BTLA: variants seen among roughly 807,000 people sequenced by gnomAD.
BTLA encodes B and T lymphocyte associated.
Under a neutral mutation model 25.0 loss-of-function variants are expected in BTLA, and 11 were observed. The ratio of observed to expected loss-of-function variants is 0.44; its 90% CI spans 0.28 to 0.73. BTLA has a LOEUF of 0.73. Among genes scored for constraint, BTLA ranks in the 30% least tolerant of loss-of-function variants. BTLA has a pLI of 0.15. For synonymous variants in BTLA, 104 were observed against 119.8 expected, an observed-to-expected ratio of 0.87 and a Z score of 0.86; for missense variants, 282 against 332.8, an observed-to-expected ratio of 0.85 and a Z score of 1.19.
chr3:112,479,131 C>T (rs975642985), intron 2 of BTLA, among the ~76,000 whole-genome samples: 12 of 151,842 alleles, frequency 7.9e-5, no homozygotes, highest in African/African-American at 2.9e-4. Context: ...CAGAGCTATT[C>T]GCAACTATAG....
At chr3:112,478,007 T>C in intron 2 of BTLA, among the ~76,000 whole-genome samples, 1 of 18,064 alleles carries the variant, frequency 5.5e-5, no homozygotes. Context: ...ATACTATTCT[T>C]TTTTTTTTTT....
chr3:112,469,341 G>C (rs2082247422), intron 4 of BTLA, among the ~76,000 whole-genome samples: 1 of 151,794 alleles, frequency 6.6e-6, no homozygotes, highest in African/African-American at 2.4e-5. Context: ...GGTTATTTGT[G>C]GGTTCATTCT....
At chr3:112,492,909 T>C (rs1220516615) in intron 1 of BTLA, among the ~76,000 whole-genome samples, 2 of 152,152 alleles carry the variant, frequency 1.3e-5, no homozygotes, top group Non-Finnish European at 2.9e-5. Flanking sequence ...TAAAGAGCTC[T>C]GCCAGCTAAA....
intron 1 of BTLA, among the ~76,000 whole-genome samples, chr3:112,488,532 A>G (rs763076409): frequency 6.6e-6 from 1 of 151,826 alleles, no homozygotes; most frequent in Non-Finnish European, 1.5e-5. Context: ...TAGCCCAGTA[A>G]GTTTATGCAA....
At chr3:112,470,062 G>A in intron 3 of BTLA, 2 of 333,442 alleles carry the variant, frequency 6.0e-6, no homozygotes, top group Non-Finnish European at 1.1e-5. Context: ...TCACTTGGAA[G>A]AGACTGGAAG....
At chr3:112,489,687 A>G (rs2082369415) in intron 1 of BTLA, among the ~76,000 whole-genome samples, 1 of 152,238 alleles carries the variant, frequency 6.6e-6, no homozygotes, top group Non-Finnish European at 1.5e-5. Flanking sequence ...GACATCAACC[A>G]GGATTTTAGC....
At chr3:112,491,301 T>C (rs2107336450) in intron 1 of BTLA, among the ~76,000 whole-genome samples, 1 of 152,218 alleles carries the variant, frequency 6.6e-6, no homozygotes, top group East Asian at 1.9e-4. Flanking sequence ...CCTCACATTA[T>C]CTATATACTG....
Position 112,479,768 on chromosome 3 carries a change from C to T in BTLA, c.90G>A (p.Gly30=), listed in dbSNP as rs1174094661. Residue 30 remains glycine, a splice_region_variant and synonymous_variant, in exon 2 of 5, where the codon GGG becomes GGA. Coordinates refer to ENST00000334529, the MANE Select transcript of BTLA (RefSeq NM_181780.4). The stretch of plus-strand genomic sequence containing the variant: ...AAAGCTGTACATCACATGATTCTTT[C>T]CCTAAAAGATAAAAACAAAACTAAA... ...IPYLDIWNIH[G]KESCDVQLYI... is the part of the protein sequence containing the mutation. 2 of 1,575,724 alleles carry T rather than the reference C, an allele frequency of 1.3e-6. No individual in the cohort carries two copies. Among genetic ancestry groups the T allele is most frequent in the Admixed American group, 1.9e-5 (1 of 52,802 alleles).
At chr3:112,485,055 T>C (rs1359867044) in intron 1 of BTLA, among the ~76,000 whole-genome samples, 5 of 152,088 alleles carry the variant, frequency 3.3e-5, no homozygotes, top group Admixed American at 2.0e-4. Context: ...ATTAATTTAT[T>C]TTTTTTGAGA....
Position 112,499,400 on chromosome 3 carries a change from G to A in BTLA, c.-42C>T, listed in dbSNP as rs369826626. 9.6e-5 allele frequency: 152 copies of A among 1,584,740 alleles called. No homozygotes were observed. Among genetic ancestry groups the A allele is most frequent in the Non-Finnish European group, 1.3e-4 (147 of 1,157,368 alleles). On this transcript the variant is annotated 5_prime_UTR_variant, in exon 1 of 5. Coordinates refer to ENST00000334529, the MANE Select transcript of BTLA (RefSeq NM_181780.4). ...TGATGGAAAAACTGCTCAAGTAGAA[G>A]GCTTTGCTTCGTCTTCTGAGTGCTG...
At chr3:112,467,182 G>T (rs1163565018) in intron 4 of BTLA, among the ~76,000 whole-genome samples, 1 of 151,940 alleles carries the variant, frequency 6.6e-6, no homozygotes, top group African/African-American at 2.4e-5. Context: ...GGATGGTCTC[G>T]ATCTCCTGAC....
At chr3:112,478,040 GT>G (rs2082298629) in intron 2 of BTLA, among the ~76,000 whole-genome samples, 1 of 148,164 alleles carries the variant, frequency 6.7e-6, no homozygotes. Context: ...TTTGTAGTAA[GT>G]TTTGAAATAG....
At chr3:112,498,305 G>A (rs571385136) in intron 1 of BTLA, among the ~76,000 whole-genome samples, 2 of 152,148 alleles carry the variant, frequency 1.3e-5, no homozygotes, top group Admixed American at 6.6e-5. Flanking sequence ...TACTAGGGAC[G>A]CTGAGGCAGG....
chr3:112,487,717 C>A (rs146794202), intron 1 of BTLA, among the ~76,000 whole-genome samples: 198 of 152,308 alleles, frequency 1.3e-3, no homozygotes, highest in African/African-American at 4.6e-3. Context: ...GTTTCTAGCA[C>A]AAAGAAGAGG....
chr3:112,484,049 G>A (rs2082333096), intron 1 of BTLA, among the ~76,000 whole-genome samples: 1 of 152,132 alleles, frequency 6.6e-6, no homozygotes, highest in South Asian at 2.1e-4. Context: ...TCATGGAAAG[G>A]CTATACTTGA....
rs984921779 is a variant in BTLA at position 112,465,831 on chromosome 3, C to A, written c.*277G>T. 24 of 278,954 alleles carry A rather than the reference C, an allele frequency of 8.6e-5. No individual in the cohort carries two copies. In the East Asian group the frequency reaches 1.5e-3, roughly 18 times the overall value. 17.3% of individuals were successfully genotyped at this position (278,954 alleles called of 1,614,324 possible). A position where few individuals can be genotyped will look rare whatever the true frequency, so the allele number is the denominator to read the frequency against. ...AGTTTGTATATTGGGTAAAATGTAG[C>A]TAAGTTTAAACGTTCTACTATTCTG... On this transcript the variant is annotated 3_prime_UTR_variant, in exon 5 of 5. Coordinates refer to ENST00000334529, the MANE Select transcript of BTLA (RefSeq NM_181780.4).
chr3:112,469,790 G>A lies in BTLA; in HGVS notation c.562C>T (p.Leu188Phe), dbSNP rs1241357241. The A allele has an allele frequency of 6.2e-7, 1 of 1,610,500 alleles. No individual in the cohort carries two copies. The highest frequency in any genetic ancestry group is 8.5e-7 in the Non-Finnish European group (1 of 1,179,266). ...ATTTCCCTTCCTGCTGTGTCAGAGA[G>A]TTCATTTTGCTTTCCTGGAAGACAA... Reference protein sequence around the residue: ...LRRHQGKQNELSDTAGREINL... With the variant: ...LRRHQGKQNEFSDTAGREINL... Residue 188 changes from leucine (L) to phenylalanine (F), a missense_variant, in exon 4 of 5, where the codon CTC becomes TTC. Around this residue, in one of 2 missense-constraint regions of BTLA, gnomAD observed 163 missense variants for 230.4 expected, o/e 0.71. Transcript: ENST00000334529.
At chr3:112,497,563 C>A (rs953727457) in intron 1 of BTLA, among the ~76,000 whole-genome samples, 4 of 152,126 alleles carry the variant, frequency 2.6e-5, no homozygotes, top group African/African-American at 4.8e-5. Flanking sequence ...GGGAAGAAAT[C>A]TATTTAATAA....
rs2082213397 is a variant in BTLA at position 112,464,340 on chromosome 3, T to G, written c.*1768A>C. 1 of 388,392 alleles carries G rather than the reference T, an allele frequency of 2.6e-6. No individual in the cohort carries two copies. The highest frequency in any genetic ancestry group is 1.4e-4 in the South Asian group (1 of 6,970). 24.1% of individuals were successfully genotyped at this position (388,392 alleles called of 1,614,324 possible). On this transcript the variant is annotated 3_prime_UTR_variant, in exon 5 of 5. Transcript: ENST00000334529. ...GAGAATCATGAAGGAACTGTTCAAT[T>G]TCGTGTGTTCATCTGATAAGAGGAC...
Sources: allele counts gnomAD v4.1 joint callset (sites outside exome capture counted in the v4.1 genomes callset), GRCh38; gene constraint gnomAD v4.1.1; regional missense constraint gnomAD v4.1.1; transcripts MANE v1.5; gene names NCBI Gene and HGNC (gene_info 2026-07-23, HGNC 2026-07-21).